EML6: variants seen among roughly 807,000 people sequenced by gnomAD.
EML6 encodes echinoderm microtubule-associated protein-like 6.
A neutral mutation model predicts 240.1 loss-of-function variants in EML6; 154 were observed. That is an observed-to-expected ratio of 0.64 (90% CI 0.56 to 0.73). The LOEUF (loss-of-function observed/expected upper bound fraction) is 0.73. Ranked by LOEUF, EML6 falls within the 30% of genes least tolerant of loss-of-function variation. The pLI, the probability that EML6 is intolerant of heterozygous loss-of-function variation, is 0.00. For synonymous variants in EML6, 1,148 were observed against 899.0 expected, an observed-to-expected ratio of 1.28 and a Z score of -4.95; for missense variants, 2,964 against 2,474.6, an observed-to-expected ratio of 1.20 and a Z score of -4.20.
At position 54,928,384 on chromosome 2, in the gene EML6, T is replaced by A. The variant is rs1245470601; in HGVS notation, c.3747T>A (p.Asn1249Lys). The A allele has an allele frequency of 3.9e-6, 6 of 1,551,668 alleles. No homozygotes were observed. Among genetic ancestry groups the A allele is most frequent in the African/African-American group, 1.4e-5 (1 of 72,970 alleles). The change falls in exon 27 of 42, where the codon AAT becomes AAA. Residue 1249 changes from asparagine to lysine, a missense_variant. Physicochemically the swap from Asn to Lys is moderately conservative, Grantham distance 94. Coordinates refer to ENST00000356458, the MANE Select transcript of EML6 (RefSeq NM_001039753.4). ...AHVTNVRWLH[N>K]DSVLLTVGGA... ...TCACTAACGTGAGGTGGCTGCACAA[T>A]GACTCTGTGCTGCTCACGGTGGGCG... is the stretch of plus-strand genomic sequence containing the variant.
chr2:54,849,925 G>A (rs967249103), intron 9 of EML6, 37 bp from the exon 10 acceptor site: 3 of 1,521,618 alleles, frequency 2.0e-6, no homozygotes, highest in Non-Finnish European at 2.7e-6. Flanking sequence ...TCTATTTGTA[G>A]AATTGCTGCT....
chr2:54,960,473 A>T (rs1185700188), intron 35 of EML6, 139 bp downstream of exon 35: 1 of 656,902 alleles, frequency 1.5e-6, no homozygotes, highest in East Asian at 2.8e-5. Context: ...TGTAGTGGGA[A>T]GCAGCTTAAG....
At chr2:54,844,415 G>A (rs1417347019) in intron 8 of EML6, among the ~76,000 whole-genome samples, 167 bp downstream of exon 8, 1 of 152,188 alleles carries the variant, frequency 6.6e-6, no homozygotes, top group African/African-American at 2.4e-5. Flanking sequence ...TGCTCCTGCT[G>A]TTGTCTTTCT....
At chr2:54,852,742 A>G (rs923519706) in intron 10 of EML6, among the ~76,000 whole-genome samples, 1 of 152,264 alleles carries the variant, frequency 6.6e-6, no homozygotes. Flanking sequence ...CCAGTATTAT[A>G]TAAGGGCATT....
chr2:54,777,621 G>A (rs1572884744), intron 2 of EML6, among the ~76,000 whole-genome samples: 1 of 152,164 alleles, frequency 6.6e-6, no homozygotes, highest in Non-Finnish European at 1.5e-5. Flanking sequence ...TTTGTCATTG[G>A]CCATGTGGGA....
chr2:54,738,732 G>C (rs1368271047), intron 2 of EML6, among the ~76,000 whole-genome samples: 1 of 152,154 alleles, frequency 6.6e-6, no homozygotes, highest in Admixed American at 6.5e-5. Context: ...GTTTCTACAT[G>C]CTTATTTTCA....
At position 54,941,540 on chromosome 2, in the gene EML6, C is replaced by G. The variant is rs533680357; in HGVS notation, c.4005-7342C>G. Among the ~76,000 whole-genome samples, 7 of 152,344 alleles carry G rather than the reference C, an allele frequency of 4.6e-5. No individual in the cohort carries two copies. In the South Asian group the frequency reaches 1.4e-3, roughly 32 times the overall value. ...GCTAAGAACTGACCATCCTGCTAAG[C>G]TAATGCTGCTGGATTTACCATATAG... On this transcript the variant is annotated intron_variant, in intron 28 of 41. Coordinates refer to ENST00000356458, the MANE Select transcript of EML6 (RefSeq NM_001039753.4).
intron 21 of EML6, among the ~76,000 whole-genome samples, chr2:54,896,629 G>C (rs546822020): frequency 1.2e-4 from 18 of 152,260 alleles, no homozygotes; most frequent in South Asian, 8.3e-4. Flanking sequence ...AAAATGCACT[G>C]ATCATATGAG....
At chr2:54,820,101 C>T (rs1668261741) in intron 4 of EML6, among the ~76,000 whole-genome samples, 1 of 152,010 alleles carries the variant, frequency 6.6e-6, no homozygotes, top group African/African-American at 2.4e-5. Context: ...AAAATTTATC[C>T]TAAATTGTCC....
At chr2:54,938,572 C>T (rs576468053) in intron 28 of EML6, among the ~76,000 whole-genome samples, 45 of 152,304 alleles carry the variant, frequency 3.0e-4, no homozygotes, top group African/African-American at 1.1e-3. Context: ...AATCTGAGTA[C>T]ATGCCTACCA....
chr2:54,789,375 G>A (rs570380182), intron 2 of EML6, among the ~76,000 whole-genome samples: 4 of 151,330 alleles, frequency 2.6e-5, no homozygotes, highest in South Asian at 2.1e-4. Context: ...TTAGCCGGGC[G>A]TGATGGCGGG....
chr2:54,900,843 A>G (rs1474418379), intron 22 of EML6, among the ~76,000 whole-genome samples: 2 of 152,202 alleles, frequency 1.3e-5, no homozygotes, highest in African/African-American at 4.8e-5. Context: ...TTTGGCACAA[A>G]GTACCCTGGA....
At chr2:54,805,151 A>G (rs1383310190) in intron 2 of EML6, among the ~76,000 whole-genome samples, 2 of 152,136 alleles carry the variant, frequency 1.3e-5, no homozygotes, top group African/African-American at 4.8e-5. Flanking sequence ...CACTAGTTCC[A>G]TTTCTGTTTA....
intron 26 of EML6, among the ~76,000 whole-genome samples, chr2:54,917,311 G>A (rs950168619): frequency 2.1e-5 from 3 of 144,260 alleles, no homozygotes; most frequent in Non-Finnish European, 4.6e-5. Flanking sequence ...TTGTTAAAAC[G>A]TTTTTATCTA....
At chr2:54,963,890 A>AG in intron 36 of EML6, 96 bp from the exon 37 acceptor site, 2 of 1,164,396 alleles carry the variant, frequency 1.7e-6, no homozygotes, top group Non-Finnish European at 2.4e-6. Flanking sequence ...AGTGGCTGCG[A>AG]GGGCAGCCTG....
At chr2:54,931,893 A>G (rs1371839555) in intron 28 of EML6, among the ~76,000 whole-genome samples, 2 of 152,242 alleles carry the variant, frequency 1.3e-5, no homozygotes, top group African/African-American at 4.8e-5. Flanking sequence ...GTACTGAGAA[A>G]AATGCCTTGA....
chr2:54,964,519 CA>C, intron 37 of EML6, 51 bp from the exon 38 acceptor site: 1 of 1,525,844 alleles, frequency 6.6e-7, no homozygotes, highest in Non-Finnish European at 8.9e-7. Flanking sequence ...CGTGCCTGAC[CA>C]GCCCCAAACA....
At chr2:54,892,401 T>TTA in intron 18 of EML6, 53 bp from the exon 19 acceptor site, 1 of 1,251,694 alleles carries the variant, frequency 8.0e-7, no homozygotes. Flanking sequence ...TTCTACATGC[T>TTA]TATAGGAAGT....
intron 24 of EML6, among the ~76,000 whole-genome samples, chr2:54,904,790 T>G (rs1464803679): frequency 3.9e-5 from 6 of 152,156 alleles, no homozygotes; most frequent in Non-Finnish European, 5.9e-5. Context: ...AGCCTGGAGT[T>G]GGAGCAATCA....
Sources: allele counts gnomAD v4.1 joint callset (sites outside exome capture counted in the v4.1 genomes callset), GRCh38; gene constraint gnomAD v4.1.1; transcripts MANE v1.5; gene names NCBI Gene and HGNC (gene_info 2026-07-23, HGNC 2026-07-21).